TRAM2: variants seen among roughly 807,000 people sequenced by gnomAD.
TRAM2 encodes translocation associated membrane protein 2.
TRAM2 carries 12 observed loss-of-function variants against 51.0 expected under a neutral mutation model. The ratio of observed to expected loss-of-function variants is 0.24; its 90% confidence interval spans 0.15 to 0.38. The LOEUF (loss-of-function observed/expected upper bound fraction) is 0.38, where lower values mean the gene tolerates loss of function less well. TRAM2 is among the 10% of genes least tolerant of loss of function. The pLI, the probability that TRAM2 is intolerant of heterozygous loss-of-function variation, is 1.00. For missense variants in TRAM2, 361 were observed against 462.0 expected (o/e 0.78, Z 2.00); for synonymous variants, 175 against 179.4 (o/e 0.98, Z 0.20).
chr6:52,518,653 C>T (rs576058686), intron 2 of TRAM2, among the ~76,000 whole-genome samples: 2 of 151,980 alleles, frequency 1.3e-5, no homozygotes, highest in South Asian at 2.1e-4. Flanking sequence ...CACTGAGGAC[C>T]GAAGGGCTGG....
intron 2 of TRAM2, among the ~76,000 whole-genome samples, chr6:52,533,496 G>A (rs185598168): frequency 2.5e-4 from 38 of 152,310 alleles, no homozygotes; most frequent in African/African-American, 8.9e-4. Flanking sequence ...CTGGCCCACT[G>A]AGGACAGAGA....
intron 1 of TRAM2, among the ~76,000 whole-genome samples, chr6:52,551,488 T>G (rs1318985891): frequency 6.6e-6 from 1 of 152,136 alleles, no homozygotes; most frequent in Non-Finnish European, 1.5e-5. Context: ...AGGGTGGGCA[T>G]GCAGGGGAGG....
chr6:52,560,751 CA>C (rs1767485155), intron 1 of TRAM2, among the ~76,000 whole-genome samples: 1 of 152,198 alleles, frequency 6.6e-6, no homozygotes, highest in African/African-American at 2.4e-5. Flanking sequence ...ACTGCTGGGT[CA>C]AGCCAGAATA....
chr6:52,527,239 G>A lies in TRAM2; in HGVS notation c.184+8544C>T, dbSNP rs143087519. 1.2e-3 allele frequency among the ~76,000 whole-genome samples: 185 copies of A among 151,952 alleles called. 5 individuals carry two copies. The East Asian group carries it at 0.032, about 26-fold the overall frequency. ...CTAACAATACAAAAATTAGCCGGGC[G>A]TGGTGGCGGGCGCCTGCAGTCCTTG... is the stretch of plus-strand genomic sequence containing the variant. On this transcript the variant is annotated intron_variant, in intron 2 of 10. Transcript: ENST00000182527.
At chr6:52,550,217 GCCC>G (rs1767283546) in intron 1 of TRAM2, among the ~76,000 whole-genome samples, 2 of 152,116 alleles carry the variant, frequency 1.3e-5, no homozygotes, top group Non-Finnish European at 2.9e-5. Context: ...CAAAACTCCA[GCCC>G]CTCCCCTTCA....
rs1200460924 is a variant in TRAM2 at position 52,500,464 on chromosome 6, A to C, written c.*2733T>G. 6.6e-6 allele frequency: 1 copy of C among 151,462 alleles called. No homozygotes were observed. The highest frequency in any genetic ancestry group is 2.4e-5 in the African/African-American group (1 of 41,170). 9.4% of individuals were successfully genotyped at this position (151,462 alleles called of 1,614,324 possible). On this transcript the variant is annotated 3_prime_UTR_variant, in exon 11 of 11. Transcript: ENST00000182527. ...CAACTACCCTCTAACCACCCCCCCC[A>C]AACATCCCTGAAGCCCAGGCTGGCA...
rs1290275576 is a variant in TRAM2 at position 52,507,633 on chromosome 6, A to G, written c.556-10T>C. ...GGCGGGGAATTTCCTCCTGGAAACA[A>G]GAGAAGCAGATGGTAAATTTGCTAA... On this transcript the variant is annotated splice_polypyrimidine_tract_variant and intron_variant, in intron 6 of 10. Coordinates refer to ENST00000182527, the MANE Select transcript of TRAM2 (RefSeq NM_012288.4). 6.2e-7 allele frequency: 1 copy of G among 1,613,970 alleles called. No individual in the cohort carries two copies. Among genetic ancestry groups the G allele is most frequent in the Non-Finnish European group, 8.5e-7 (1 of 1,179,932 alleles).
chr6:52,571,361 G>C (rs1239201997), intron 1 of TRAM2, among the ~76,000 whole-genome samples: 2 of 152,256 alleles, frequency 1.3e-5, no homozygotes, highest in Non-Finnish European at 2.9e-5. Context: ...ATGCCTGCCA[G>C]AGTGAAGCTT....
At chr6:52,547,973 G>C (rs1767240739) in intron 1 of TRAM2, among the ~76,000 whole-genome samples, 1 of 152,264 alleles carries the variant, frequency 6.6e-6, no homozygotes, top group Non-Finnish European at 1.5e-5. Flanking sequence ...ATATGTCATG[G>C]AAAGCATTAG....
At chr6:52,556,978 G>C (rs537121368) in intron 1 of TRAM2, among the ~76,000 whole-genome samples, 7 of 151,442 alleles carry the variant, frequency 4.6e-5, no homozygotes, top group Non-Finnish European at 1.0e-4. Flanking sequence ...CAGATCACCT[G>C]AGGTCAGGAG....
chr6:52,516,388 G>A, intron 3 of TRAM2: 1 of 593,736 alleles, frequency 1.7e-6, no homozygotes, highest in Non-Finnish European at 3.0e-6. Context: ...AGACCCATAA[G>A]GACACCATCT....
chr6:52,508,618 T>C lies in TRAM2; in HGVS notation c.471-300A>G, dbSNP rs550380432. 2.6e-5 allele frequency among the ~76,000 whole-genome samples: 4 copies of C among 152,318 alleles called. No individual in the cohort carries two copies. In the South Asian group the frequency reaches 8.3e-4, roughly 32 times the overall value. ...AATCCTTCAGCCTTGAGGAGGGAGC[T>C]GATTACAGAGCACTGTTGGAGATAG... On this transcript the variant is annotated intron_variant, in intron 5 of 10. Coordinates refer to ENST00000182527, the MANE Select transcript of TRAM2 (RefSeq NM_012288.4).
chr6:52,576,783 C>T lies in TRAM2; in HGVS notation c.120+13G>A, dbSNP rs369318503. The T allele has an allele frequency of 7.4e-6, 12 of 1,611,660 alleles. No individual in the cohort carries two copies. The African/African-American group carries it at 1.3e-4, about 18-fold the overall frequency. On this transcript the variant is annotated intron_variant, in intron 1 of 10. Transcript: ENST00000182527. The stretch of plus-strand genomic sequence containing the variant: ...GCACTGTCCCTCCAGCTCCCTCCTC[C>T]CCAGGCTCTCACCTCGAACATAAGC...
chr6:52,553,322 A>G lies in TRAM2; in HGVS notation c.121-17476T>C, dbSNP rs117186550. ...TATTTGGTAGAGAAATATGTAACTC[A>G]TTAATACTATATGAAGGCTCTGACA... On this transcript the variant is annotated intron_variant, in intron 1 of 10. Coordinates refer to ENST00000182527, the MANE Select transcript of TRAM2 (RefSeq NM_012288.4). 2.6e-5 allele frequency among the ~76,000 whole-genome samples: 4 copies of G among 152,358 alleles called. No homozygotes were observed. The East Asian group carries it at 7.7e-4, about 29-fold the overall frequency.
intron 1 of TRAM2, among the ~76,000 whole-genome samples, chr6:52,558,388 C>T (rs553833213): frequency 1.3e-5 from 2 of 152,206 alleles, no homozygotes; most frequent in South Asian, 2.1e-4. Context: ...ATCTGTCTTC[C>T]CCATTAGACT....
Position 52,503,095 on chromosome 6 carries a change from C to G in TRAM2, c.*102G>C, listed in dbSNP as rs749707167. ...CAAGACAGGTTTCGGCTGTTTGAGACGGAGCATCACAGGCAGGAAGGAGGA... is the reference window on the plus strand; with the variant it reads ...CAAGACAGGTTTCGGCTGTTTGAGAGGGAGCATCACAGGCAGGAAGGAGGA... On this transcript the variant is annotated 3_prime_UTR_variant, in exon 11 of 11. Transcript: ENST00000182527. The G allele has an allele frequency of 1.3e-5, 13 of 994,148 alleles. No homozygotes were observed. The highest frequency in any genetic ancestry group is 6.5e-5 in the South Asian group (5 of 77,404). The allele number at this position is 994,148 out of a possible 1,614,324, so 61.6% of individuals were successfully genotyped here.
Position 52,530,788 on chromosome 6 carries a change from T to G in TRAM2, c.184+4995A>C, listed in dbSNP as rs1581880727. On this transcript the variant is annotated intron_variant, in intron 2 of 10. Transcript: ENST00000182527. ...GAACGCTGGGATGGTAAATTTCTATTGTTTCAGCCACTAGGTTTGTGGTAC... is the reference window on the plus strand; with the variant it reads ...GAACGCTGGGATGGTAAATTTCTATGGTTTCAGCCACTAGGTTTGTGGTAC... Among the ~76,000 whole-genome samples the G allele has an allele frequency of 2.0e-5, 3 of 152,286 alleles. No individual in the cohort carries two copies. In the South Asian group the frequency reaches 6.2e-4, roughly 32 times the overall value.
chr6:52,536,136 G>A (rs1040599332), intron 1 of TRAM2, among the ~76,000 whole-genome samples: 1 of 152,180 alleles, frequency 6.6e-6, no homozygotes, highest in Non-Finnish European at 1.5e-5. Context: ...GTACAAATTT[G>A]TCAGCCATTC....
rs1049501742 is a variant in TRAM2 at position 52,501,994 on chromosome 6, G to A, written c.*1203C>T. ...GAAAGGCGCCTATCATCTACCCAGA[G>A]AGTGACTCTCAGTCAGTCATGGTTT... On this transcript the variant is annotated 3_prime_UTR_variant, in exon 11 of 11. Transcript: ENST00000182527. The A allele has an allele frequency of 6.6e-6, 1 of 152,246 alleles. No individual in the cohort carries two copies. Among genetic ancestry groups the A allele is most frequent in the African/African-American group, 2.4e-5 (1 of 41,444 alleles). 9.4% of individuals were successfully genotyped at this position (152,246 alleles called of 1,614,324 possible).
Sources: allele counts gnomAD v4.1 joint callset (sites outside exome capture counted in the v4.1 genomes callset), GRCh38; gene constraint gnomAD v4.1.1; transcripts MANE v1.5; gene names NCBI Gene and HGNC (gene_info 2026-07-23, HGNC 2026-07-21).